The following CLCNKB variants were observed in gnomAD, a reference collection of about 807,000 sequenced individuals.
CLCNKB encodes chloride channel protein ClC-Kb.
Under a neutral mutation model 83.8 loss-of-function variants are expected in CLCNKB, and 74 were observed. That is an observed-to-expected ratio of 0.88 (90% CI 0.73 to 1.07). CLCNKB has a LOEUF of 1.07. Among genes scored for constraint, CLCNKB ranks in the 50% least tolerant of loss-of-function variants. The pLI is 0.00. For synonymous variants in CLCNKB, 358 were observed against 356.6 expected, an observed-to-expected ratio of 1.00 and a Z score of -0.04; for missense variants, 798 against 893.6, an observed-to-expected ratio of 0.89 and a Z score of 1.36.
At chr1:16,053,612 G>A (rs201834829) in intron 15 of CLCNKB, 27 bp from the exon 16 acceptor site, 74 of 1,613,728 alleles carry the variant, frequency 4.6e-5, no homozygotes, top group Admixed American at 1.2e-4. Context: ...TGACTGTGGG[G>A]CCTGATGGGA....
intron 10 of CLCNKB, 93 bp downstream of exon 10, chr1:16,050,009 G>T (rs2023236969): frequency 2.8e-6 from 2 of 726,604 alleles, no homozygotes; most frequent in East Asian, 2.8e-5. Context: ...CGCCACCTGA[G>T]CCCCTAAAGC....
In CLCNKB at chr1:16,055,772, C is replaced by T. The variant is rs1192229989; in HGVS notation, c.1929+14C>T. ...TCCCTGCATGAGGTAACGGGGAGAA[C>T]TGGGGAGTGTGACACATGAGGCCTC... On this transcript the variant is annotated intron_variant, in intron 18 of 19. Transcript: ENST00000375679. The T allele has an allele frequency of 3.7e-6, 6 of 1,612,200 alleles. No homozygotes were observed. Among genetic ancestry groups the T allele is most frequent in the Non-Finnish European group, 5.1e-6 (6 of 1,178,620 alleles).
Position 16,057,247 on chromosome 1 carries a change from C to A in CLCNKB, c.*331C>A, listed in dbSNP as rs1057857. On this transcript the variant is annotated 3_prime_UTR_variant, in exon 20 of 20. Transcript: ENST00000375679. ...CTGTCACCAAGGGCAGGCACAGATG[C>A]CTTCTGGGGTTGTCTGGTTCCCAGT... 1.5e-6 allele frequency: 1 copy of A among 651,044 alleles called. No individual in the cohort carries two copies. The highest frequency in any genetic ancestry group is 1.8e-5 in the African/African-American group (1 of 55,828). 40.3% of individuals were successfully genotyped at this position (651,044 alleles called of 1,614,324 possible).
At position 16,056,416 on chromosome 1, in the gene CLCNKB, A is replaced by G. The variant is rs72474563; in HGVS notation, c.1930-6A>G. 1,262 of 1,613,812 alleles carry G rather than the reference A, an allele frequency of 7.8e-4. 18 individuals are homozygous for G. In the East Asian group the frequency reaches 0.025, roughly 32 times the overall value. On this transcript the variant is annotated splice_region_variant and splice_polypyrimidine_tract_variant and intron_variant, in intron 18 of 19. Coordinates refer to ENST00000375679, the MANE Select transcript of CLCNKB (RefSeq NM_000085.5). ...CCTCCAGTGTTTCCTAACATCCCCCATCCAGGCACACAACCTCTTTGAGCT... is the reference window on the plus strand; with the variant it reads ...CCTCCAGTGTTTCCTAACATCCCCCGTCCAGGCACACAACCTCTTTGAGCT...
Position 16,053,693 on chromosome 1 carries a change from C to T in CLCNKB, c.1677C>T (p.Ala559=). 2 of 1,613,982 alleles carry T rather than the reference C, an allele frequency of 1.2e-6. No homozygotes were observed. Among genetic ancestry groups the T allele is most frequent in the Admixed American group, 3.3e-5 (2 of 60,022 alleles). The change falls in exon 16 of 20, where the codon GCC becomes GCT. Residue 559 remains alanine (A), a synonymous_variant. Transcript: ENST00000375679. The part of the protein sequence containing the change: ...HFMNHSITTL[A]KDMPLEEVVK... ...TGAACCACAGCATCACCACACTGGC[C>T]AAGGACATGCCACTGGAGGAGGTGG...
intron 2 of CLCNKB, among the ~76,000 whole-genome samples, chr1:16,044,939 C>A (rs569372662): frequency 6.6e-6 from 1 of 152,328 alleles, no homozygotes; most frequent in South Asian, 2.1e-4. Context: ...GGGGCTGGGG[C>A]AGCCTACACT....
chr1:16,049,534 C>G (rs1394833611), intron 8 of CLCNKB, 84 bp from the exon 9 acceptor site: 6 of 1,289,676 alleles, frequency 4.7e-6, no homozygotes, highest in Non-Finnish European at 6.5e-6. Flanking sequence ...CTGGCACCCC[C>G]TCCACCCTGG....
intron 7 of CLCNKB, 150 bp from the exon 8 acceptor site, chr1:16,048,970 G>T (rs539945007): frequency 7.8e-5 from 121 of 1,545,184 alleles, no homozygotes; most frequent in East Asian, 3.9e-4. Context: ...CGCCCAGGGC[G>T]CATGCCCTGC....
intron 3 of CLCNKB, 103 bp from the exon 4 acceptor site, chr1:16,046,432 C>T (rs1385881528): frequency 5.3e-6 from 8 of 1,520,508 alleles, no homozygotes; most frequent in Non-Finnish European, 6.3e-6. Flanking sequence ...TGGTCCTCCC[C>T]TCTTCGTGAC....
chr1:16,051,645 T>C (rs1001836886), intron 13 of CLCNKB, 65 bp from the exon 14 acceptor site: 2 of 1,604,204 alleles, frequency 1.2e-6, no homozygotes, highest in African/African-American at 2.7e-5. Context: ...AGGACGGTCC[T>C]CAGGGATGGA....
chr1:16,048,837 T>C, intron 7 of CLCNKB: 2 of 1,440,930 alleles, frequency 1.4e-6, no homozygotes, highest in Non-Finnish European at 1.8e-6. Flanking sequence ...CCTGGCCCGT[T>C]GGCCTCTCTG....
Position 16,049,623 on chromosome 1 carries a change from A to T in CLCNKB, c.787A>T (p.Ile263Phe), listed in dbSNP as rs2023218306. The T allele has an allele frequency of 1.2e-6, 2 of 1,603,752 alleles. No homozygotes were observed. The highest frequency in any genetic ancestry group is 2.7e-5 in the African/African-American group (2 of 74,632). The change falls in exon 9 of 20, where the codon ATC (isoleucine) becomes TTC (phenylalanine). Residue 263 changes from isoleucine (I) to phenylalanine (F), a missense_variant. Physicochemically the swap from Ile to Phe is conservative, Grantham distance 21. Coordinates refer to ENST00000375679, the MANE Select transcript of CLCNKB (RefSeq NM_000085.5). ...CCACTGCCCTCCTTCCCCAGAGACC[A>T]TCACCTCCCTCTACAAGACCAGTTT... is the stretch of plus-strand genomic sequence containing the variant. ...LAVFNSEQET[I>F]TSLYKTSFRV...
chr1:16,045,167 C>A (rs896709614), intron 2 of CLCNKB, among the ~76,000 whole-genome samples: 4 of 152,280 alleles, frequency 2.6e-5, no homozygotes, highest in Middle Eastern at 3.4e-3. Flanking sequence ...GCCACAGGTC[C>A]TGGGACACGC....
rs140434107 is a variant in CLCNKB, at chr1:16,043,932, C to CG, written c.-8+65dup. 4.4e-3 allele frequency: 436 copies of CG among 99,916 alleles called. 2 individuals are homozygous for CG. Among genetic ancestry groups the CG allele is most frequent in the African/African-American group, 0.012 (230 of 19,618 alleles). The allele number at this position is 99,916 out of a possible 1,614,324, so 6.2% of individuals were successfully genotyped here. On this transcript the variant is annotated intron_variant, in intron 1 of 19. Transcript: ENST00000375679. ...GCCTGCCAGGGCCAGACAGGCAGGG[C>CG]GGGGGGGGGGGGGTGGTAAGGGCAG...
intron 8 of CLCNKB, 38 bp downstream of exon 8, chr1:16,049,283 G>T: frequency 6.2e-7 from 1 of 1,610,110 alleles, no homozygotes; most frequent in Non-Finnish European, 8.5e-7. Flanking sequence ...GCCCTGCCTG[G>T]GGGCCGGGGC....
rs1405484656 is a variant in CLCNKB at position 16,052,713 on chromosome 1, GAC to G, written c.1622+306_1622+307del. Among the ~76,000 whole-genome samples the G allele has an allele frequency of 9.8e-5, 15 of 152,286 alleles. 1 individual carries two copies. The highest frequency in any genetic ancestry group is 3.6e-4 in the African/African-American group (15 of 41,544). ...AGAGGTGCCGTGTCTTGCTCCAGGT[GAC>G]ACAGAGAGTCAGCACCAGATCCGAG... On this transcript the variant is annotated intron_variant, in intron 15 of 19. Coordinates refer to ENST00000375679, the MANE Select transcript of CLCNKB (RefSeq NM_000085.5).
rs774519177 is a variant in CLCNKB at position 16,046,490 on chromosome 1, G to T, written c.230-45G>T. The T allele has an allele frequency of 3.1e-6, 5 of 1,611,732 alleles. No individual in the cohort carries two copies. The Admixed American group carries it at 6.7e-5, about 21-fold the overall frequency. ...GGCACCACAGCGTCTGGCCCCGAGG[G>T]CTGCAGAGGCTGTGGGTGCCTCCCT... On this transcript the variant is annotated intron_variant, in intron 3 of 19. Transcript: ENST00000375679.
rs34851419 is a variant in CLCNKB, at chr1:16,044,504, T to G, written c.12T>G (p.Phe4Leu). The G allele has an allele frequency of 1.8e-3, 2,962 of 1,603,526 alleles. 56 individuals carry two copies. The African/African-American group carries it at 0.035, about 19-fold the overall frequency. ...TCTCCAGGGGCCTGATGGAGGAGTTTGTGGGGCTGCGTGAAGGCTCCTCAG... is the reference window on the plus strand; with the variant it reads ...TCTCCAGGGGCCTGATGGAGGAGTTGGTGGGGCTGCGTGAAGGCTCCTCAG... MEE[F>L]VGLREGSSGN... The change falls in exon 2 of 20, where the codon TTT (phenylalanine) becomes TTG (leucine). Residue 4 changes from phenylalanine (F) to leucine (L), a missense_variant. Transcript: ENST00000375679.
intron 16 of CLCNKB, 96 bp from the exon 17 acceptor site, chr1:16,055,339 A>G (rs112926616): frequency 8.1e-6 from 8 of 983,670 alleles, no homozygotes; most frequent in African/African-American, 6.4e-5. Context: ...CCCCATAGGA[A>G]CACCAGAACA....
Sources: gnomAD v4.1 joint callset for allele counts (sites outside exome capture counted in the v4.1 genomes callset) on GRCh38, gnomAD v4.1.1 for gene constraint, MANE v1.5 for transcripts, NCBI Gene and HGNC (gene_info 2026-07-23, HGNC 2026-07-21) for gene names.